PREP: variants seen among roughly 807,000 people sequenced by gnomAD.
The protein encoded by PREP is dJ355L5.1 (prolyl endopeptidase).
PREP carries 29 observed loss-of-function variants against 87.6 expected under a neutral mutation model. The ratio of observed to expected loss-of-function variants is 0.33; its 90% CI spans 0.25 to 0.45. PREP has a LOEUF of 0.45. Ranked by LOEUF, PREP falls within the 20% of genes least tolerant of loss-of-function variation. The probability of loss-of-function intolerance (pLI) is 1.00; values close to 1 mark genes in which losing one functional copy is unlikely to be tolerated. For missense variants in PREP, 695 were observed against 886.5 expected (o/e 0.78, Z 2.74); for synonymous variants, 337 against 328.6 (o/e 1.03, Z -0.28).
chr6:105,367,184 A>G (rs1354674656), intron 6 of PREP, among the ~76,000 whole-genome samples: 7 of 152,222 alleles, frequency 4.6e-5, no homozygotes, highest in African/African-American at 1.4e-4. Context: ...TAGCATATTT[A>G]TCTTAATCCT....
intron 8 of PREP, among the ~76,000 whole-genome samples, chr6:105,332,617 G>C (rs1771366241): frequency 6.6e-6 from 1 of 152,044 alleles, no homozygotes; most frequent in African/African-American, 2.4e-5. Context: ...TAATAGTACT[G>C]AATTCTTCTT....
intron 7 of PREP, among the ~76,000 whole-genome samples, chr6:105,346,902 AC>A (rs1412733662): frequency 1.3e-5 from 2 of 152,222 alleles, no homozygotes; most frequent in Non-Finnish European, 2.9e-5. Flanking sequence ...GGGGTTCATG[AC>A]CAGCCTGGCC....
At chr6:105,301,878 C>T (rs941880655) in intron 10 of PREP, among the ~76,000 whole-genome samples, 2 of 152,142 alleles carry the variant, frequency 1.3e-5, no homozygotes, top group Admixed American at 6.5e-5. Context: ...CGCCTTTTCC[C>T]AGTCTCAAAC....
intron 10 of PREP, among the ~76,000 whole-genome samples, chr6:105,296,346 T>G (rs371860446): frequency 6.6e-5 from 10 of 152,152 alleles, no homozygotes; most frequent in Admixed American, 4.6e-4. Flanking sequence ...ACCTTTTTTC[T>G]ATCATGCTTT....
At chr6:105,383,200 T>C (rs1031718555) in intron 2 of PREP, among the ~76,000 whole-genome samples, 1 of 150,436 alleles carries the variant, frequency 6.6e-6, no homozygotes, top group South Asian at 2.1e-4. Flanking sequence ...CAATAAAAGA[T>C]TGGAATAATG....
At chr6:105,340,458 T>C (rs1253998812) in intron 7 of PREP, among the ~76,000 whole-genome samples, 1 of 152,168 alleles carries the variant, frequency 6.6e-6, no homozygotes, top group East Asian at 1.9e-4. Flanking sequence ...GTAAAGATCA[T>C]TGATATTAGG....
chr6:105,282,360 A>T, intron 13 of PREP, 91 bp downstream of exon 13: 1 of 1,468,502 alleles, frequency 6.8e-7, no homozygotes, highest in Non-Finnish European at 9.1e-7. Flanking sequence ...TCCTATCCAC[A>T]AAGTTAAGTC....
chr6:105,400,733 G>C (rs1773406790), intron 1 of PREP, among the ~76,000 whole-genome samples: 1 of 152,148 alleles, frequency 6.6e-6, no homozygotes, highest in Admixed American at 6.5e-5. Context: ...AAGTGTCATG[G>C]CTTCCAAATT....
Position 105,353,000 on chromosome 6 carries a change from G to C in PREP, c.795C>G (p.Asp265Glu). 6.2e-7 allele frequency: 1 copy of C among 1,613,856 alleles called. No homozygotes were observed. The highest frequency in any genetic ancestry group is 8.5e-7 in the Non-Finnish European group (1 of 1,179,834). The change falls in exon 7 of 15, where the codon GAC becomes GAG. Residue 265 changes from aspartate (D) to glutamate (E), a missense_variant. By Grantham distance (45) the Asp-to-Glu change is conservative. Around this residue, in one of 5 missense-constraint regions of PREP, gnomAD observed 517 missense variants for 620.3 expected, o/e 0.83. Transcript: ENST00000652536. ...CDPVNRLWYCDLQQESSGIAG... is the reference protein window; with the variant it reads ...CDPVNRLWYCELQQESSGIAG... ...CGATGCCACTGGATTCCTGCTGTAG[G>C]TCACAGTACCAGAGTCGGTTTACTG...
At chr6:105,325,346 T>C (rs897299276) in intron 9 of PREP, among the ~76,000 whole-genome samples, 1 of 152,130 alleles carries the variant, frequency 6.6e-6, no homozygotes, top group African/African-American at 2.4e-5. Context: ...AATTCCCAGC[T>C]CTGAAAGTTG....
Position 105,373,582 on chromosome 6 carries a change from T to G in PREP, c.386-4A>C. 1 of 1,613,216 alleles carries G rather than the reference T, an allele frequency of 6.2e-7. No homozygotes were observed. Among genetic ancestry groups the G allele is most frequent in the Non-Finnish European group, 8.5e-7 (1 of 1,179,422 alleles). ...CCATCTTCGCTGAACGCATAACCTATGGGACACAGGAGAAATCATCCAGTG... is the reference window on the plus strand; with the variant it reads ...CCATCTTCGCTGAACGCATAACCTAGGGGACACAGGAGAAATCATCCAGTG... On this transcript the variant is annotated splice_polypyrimidine_tract_variant and splice_region_variant and intron_variant, in intron 4 of 14. Coordinates refer to ENST00000652536, the MANE Select transcript of PREP (RefSeq NM_002726.5).
chr6:105,388,156 C>G (rs1351053701), intron 2 of PREP, among the ~76,000 whole-genome samples: 1 of 148,976 alleles, frequency 6.7e-6, no homozygotes, highest in Admixed American at 6.6e-5. Flanking sequence ...AAAGAGGGTC[C>G]CTGGGGCTTC....
intron 8 of PREP, among the ~76,000 whole-genome samples, chr6:105,332,326 C>T (rs1485797331): frequency 6.6e-6 from 1 of 152,098 alleles, no homozygotes; most frequent in Non-Finnish European, 1.5e-5. Context: ...GTTTAAATAC[C>T]TTCCAGGCAC....
intron 4 of PREP, among the ~76,000 whole-genome samples, chr6:105,374,653 T>TCAGAAA: frequency 4.2e-5 from 1 of 23,560 alleles, no homozygotes; most frequent in African/African-American, 9.1e-4. Flanking sequence ...TATATATATA[T>TCAGAAA]ATATATATAT....
chr6:105,400,681 G>C (rs1336128104), intron 1 of PREP, among the ~76,000 whole-genome samples: 1 of 152,162 alleles, frequency 6.6e-6, no homozygotes, highest in African/African-American at 2.4e-5. Context: ...TGAATTTCCT[G>C]ATAGCAACTC....
chr6:105,307,131 G>A (rs1418600344), intron 10 of PREP, among the ~76,000 whole-genome samples: 2 of 152,118 alleles, frequency 1.3e-5, no homozygotes, highest in Non-Finnish European at 2.9e-5. Flanking sequence ...CATTACTTTG[G>A]ATTTATTTTC....
At chr6:105,290,448 C>T (rs1770278085) in intron 10 of PREP, among the ~76,000 whole-genome samples, 2 of 151,906 alleles carry the variant, frequency 1.3e-5, no homozygotes, top group South Asian at 4.1e-4. Context: ...CGAATTCCCT[C>T]CAACTACCCC....
At chr6:105,378,863 A>G (rs1772762825) in intron 2 of PREP, among the ~76,000 whole-genome samples, 1 of 152,204 alleles carries the variant, frequency 6.6e-6, no homozygotes, top group East Asian at 1.9e-4. Flanking sequence ...TTTTGGATAT[A>G]TCATCAAACT....
intron 11 of PREP, among the ~76,000 whole-genome samples, chr6:105,287,990 T>C (rs2114615374): frequency 6.6e-6 from 1 of 152,350 alleles, no homozygotes; most frequent in Non-Finnish European, 1.5e-5. Context: ...ATAGATGATG[T>C]AACAGAGTAT....
Sources: gnomAD v4.1 joint callset for allele counts (sites outside exome capture counted in the v4.1 genomes callset) on GRCh38, gnomAD v4.1.1 for gene constraint, gnomAD v4.1.1 regional missense constraint, MANE v1.5 for transcripts, NCBI Gene and HGNC (gene_info 2026-07-23, HGNC 2026-07-21) for gene names.